The following ELK3 variants were observed in gnomAD, a reference collection of about 807,000 sequenced individuals.
ELK3 encodes the protein ETS domain-containing protein Elk-3.
In ELK3, 10 loss-of-function variants were observed where a neutral mutation model predicts 28.9. The observed-to-expected ratio is 0.35, with a 90% CI of 0.21 to 0.59. The LOEUF (loss-of-function observed/expected upper bound fraction) is 0.59, where lower values mean the gene tolerates loss of function less well. ELK3 is among the 20% of genes least tolerant of loss of function. ELK3 has a pLI of 0.82. For synonymous variants in ELK3, 272 were observed against 243.5 expected (o/e 1.12, Z -1.09); for missense variants, 463 against 517.3 (o/e 0.90, Z 1.02).
chr12:96,209,827 A>G (rs1344863092), intron 1 of ELK3, among the ~76,000 whole-genome samples: 2 of 152,152 alleles, frequency 1.3e-5, no homozygotes, highest in Non-Finnish European at 2.9e-5. Context: ...TAGTATGTAA[A>G]GGATAAGACT....
intron 1 of ELK3, among the ~76,000 whole-genome samples, chr12:96,213,376 C>T (rs1342220282): frequency 1.3e-5 from 2 of 152,170 alleles, no homozygotes; most frequent in Non-Finnish European, 2.9e-5. Context: ...AAGAGGTACC[C>T]ACACGAGGCA....
At position 96,247,667 on chromosome 12, in the gene ELK3, G is replaced by T; in HGVS notation, c.935G>T (p.Gly312Val). The change falls in exon 3 of 5, where the codon GGC becomes GTC. Residue 312 changes from glycine (G) to valine (V), a missense_variant. Coordinates refer to ENST00000228741, the MANE Select transcript of ELK3 (RefSeq NM_005230.4). This position sits in a 1 kb window ranked among gnomAD's most constrained non-coding sequence, Gnocchi z 5.5. ...CTGGTGCTCTCCGGCACCGACATCG[G>T]CTCCATCGCCCTCAACAGCCCAGCC... Reference protein sequence around the residue: ...PPLVLSGTDIGSIALNSPALP... With the variant: ...PPLVLSGTDIVSIALNSPALP... The T allele has an allele frequency of 6.2e-7, 1 of 1,612,090 alleles. No individual in the cohort carries two copies.
chr12:96,229,879 T>G (rs943987805), intron 2 of ELK3, among the ~76,000 whole-genome samples: 4 of 152,248 alleles, frequency 2.6e-5, no homozygotes, highest in South Asian at 2.1e-4. Context: ...GGGCCCACCT[T>G]AATGCATTAT....
rs141876234 is a variant in ELK3 at position 96,259,952 on chromosome 12, G to A, written c.1125+99G>A. On this transcript the variant is annotated intron_variant, in intron 4 of 4. Coordinates refer to ENST00000228741, the MANE Select transcript of ELK3 (RefSeq NM_005230.4). The stretch of plus-strand genomic sequence containing the variant: ...AACGGTGAGTTTTGCCATATGTTGA[G>A]TTGAAATATTAAATGTCCAGAGGGG... 353 of 1,430,728 alleles carry A rather than the reference G, an allele frequency of 2.5e-4. No homozygotes were observed. The African/African-American group carries it at 4.8e-3, about 19-fold the overall frequency. 88.6% of individuals were successfully genotyped at this position (1,430,728 alleles called of 1,614,324 possible).
chr12:96,230,363 T>C (rs1951732155), intron 2 of ELK3, among the ~76,000 whole-genome samples: 1 of 152,216 alleles, frequency 6.6e-6, no homozygotes, highest in South Asian at 2.1e-4. Context: ...CATGACTGTA[T>C]TTCAGACACT....
chr12:96,210,235 C>T (rs1209594190), intron 1 of ELK3, among the ~76,000 whole-genome samples: 2 of 152,154 alleles, frequency 1.3e-5, no homozygotes, highest in East Asian at 1.9e-4. Flanking sequence ...TCACTGACTG[C>T]GGAACAGCCT....
At chr12:96,199,486 G>GTT in intron 1 of ELK3, among the ~76,000 whole-genome samples, 1 of 149,664 alleles carries the variant, frequency 6.7e-6, no homozygotes, top group Non-Finnish European at 1.5e-5. Flanking sequence ...TTAGCTGTGT[G>GTT]TGTGTGTGTG....
rs150543666 is a variant in ELK3, at chr12:96,245,791, A to G, written c.208-1149A>G. Among the ~76,000 whole-genome samples the G allele has an allele frequency of 9.7e-3, 1,470 of 152,278 alleles. 46 individuals carry two copies. Among genetic ancestry groups the G allele is most frequent in the Admixed American group, 0.061 (928 of 15,288 alleles). ...CGGCAGGGAATTAAAGTATCCATTT[A>G]ATAAACCTCAAGAACAGCATAGCCT... On this transcript the variant is annotated intron_variant, in intron 2 of 4. Coordinates refer to ENST00000228741, the MANE Select transcript of ELK3 (RefSeq NM_005230.4).
chr12:96,198,296 A>G (rs181515611), intron 1 of ELK3, among the ~76,000 whole-genome samples: 46 of 152,276 alleles, frequency 3.0e-4, no homozygotes, highest in African/African-American at 1.1e-3. Context: ...TCCTGGGCTC[A>G]AGTGATGCTC....
intron 4 of ELK3, among the ~76,000 whole-genome samples, chr12:96,263,219 G>A (rs1952006578): frequency 6.6e-6 from 1 of 152,148 alleles, no homozygotes; most frequent in Non-Finnish European, 1.5e-5. Context: ...TCCAAGGAAG[G>A]AGAGAGAAGA....
At chr12:96,220,248 C>CT (rs2137012224) in intron 1 of ELK3, among the ~76,000 whole-genome samples, 1 of 151,756 alleles carries the variant, frequency 6.6e-6, no homozygotes, top group African/African-American at 2.4e-5. Context: ...TGTCCTTTTT[C>CT]TTTCTTTCTC....
intron 1 of ELK3, among the ~76,000 whole-genome samples, chr12:96,210,561 G>GCGCA (rs1555193024): frequency 5.7e-4 from 82 of 144,836 alleles, no homozygotes; most frequent in Admixed American, 1.2e-3. Flanking sequence ...GCGCGCGGGC[G>GCGCA]CACGCACACA....
chr12:96,247,248 C>T lies in ELK3; in HGVS notation c.516C>T (p.Asp172=). The change falls in exon 3 of 5, where the codon GAC becomes GAT. Residue 172 remains aspartate, a synonymous_variant. Transcript: ENST00000228741. The surrounding 1 kb of genome is among the most constrained non-coding windows in gnomAD (Gnocchi z 5.5). The part of the protein sequence containing the change: ...KTEKLEEPPE[D]SPPVEEVRTV... ...AGAAGCTGGAGGAGCCGCCCGAAGA[C>T]AGCCCCCCCGTGGAAGAAGTCAGGA... 1 of 1,614,242 alleles carries T rather than the reference C, an allele frequency of 6.2e-7. No individual in the cohort carries two copies. The highest frequency in any genetic ancestry group is 1.1e-5 in the South Asian group (1 of 91,086).
chr12:96,221,914 T>C (rs767633159), intron 1 of ELK3, among the ~76,000 whole-genome samples: 112 of 152,140 alleles, frequency 7.4e-4, no homozygotes, highest in Non-Finnish European at 1.2e-3. Flanking sequence ...TTGACAATAT[T>C]GGTACAAATA....
At chr12:96,250,596 A>G (rs1011724428) in intron 3 of ELK3, among the ~76,000 whole-genome samples, 44 of 152,182 alleles carry the variant, frequency 2.9e-4, no homozygotes, top group Admixed American at 5.9e-4. Context: ...ATTCTGTGGA[A>G]TTCCTTTCGG....
chr12:96,243,828 G>A (rs1022874742), intron 2 of ELK3, among the ~76,000 whole-genome samples: 17 of 151,484 alleles, frequency 1.1e-4, no homozygotes, highest in Non-Finnish European at 2.2e-4. Flanking sequence ...GGGCAACAGA[G>A]CGAGACTCCA....
At chr12:96,223,895 G>A in intron 2 of ELK3, 122 bp downstream of exon 2, 3 of 981,380 alleles carry the variant, frequency 3.1e-6, no homozygotes, top group Middle Eastern at 3.0e-4. Context: ...TAGGGGCAGT[G>A]CATACCTTCT....
chr12:96,266,903 T>C (rs374041775), intron 4 of ELK3, among the ~76,000 whole-genome samples, 179 bp from the exon 5 acceptor site: 1 of 152,358 alleles, frequency 6.6e-6, no homozygotes, highest in East Asian at 1.9e-4. Context: ...GTTTGCTCTA[T>C]GTAAATCTTG....
At chr12:96,215,718 C>G (rs1027041805) in intron 1 of ELK3, among the ~76,000 whole-genome samples, 4 of 150,688 alleles carry the variant, frequency 2.7e-5, no homozygotes, top group Non-Finnish European at 5.9e-5. Context: ...TCACTGCAGC[C>G]TCTACTTCCC....
Sources: gnomAD v4.1 joint callset for allele counts (sites outside exome capture counted in the v4.1 genomes callset) on GRCh38, gnomAD v4.1.1 for gene constraint, Gnocchi (gnomAD v3.1) non-coding constraint, MANE v1.5 for transcripts, NCBI Gene and HGNC (gene_info 2026-07-23, HGNC 2026-07-21) for gene names.